CORO7: variants seen among roughly 807,000 people sequenced by gnomAD.
CORO7 encodes the protein coronin 7.
Under a neutral mutation model 126.6 loss-of-function variants are expected in CORO7, and 107 were observed. That is an observed-to-expected ratio of 0.85 (90% confidence interval 0.72 to 0.99). CORO7 has a LOEUF of 0.99. Ranked by LOEUF, CORO7 falls within the 50% of genes least tolerant of loss-of-function variation. The probability of loss-of-function intolerance (pLI) is 0.00; values close to 1 mark genes in which losing one functional copy is unlikely to be tolerated. For synonymous variants in CORO7, 603 were observed against 536.8 expected (o/e 1.12, Z -1.70); for missense variants, 1,314 against 1,255.8 (o/e 1.05, Z -0.70).
rs114279206 is a variant in CORO7, at chr16:4,360,356, G to C, written c.2030C>G (p.Pro677Arg). 3,598 of 1,613,618 alleles carry C rather than the reference G, an allele frequency of 2.2e-3. 32 individuals carry two copies. In the African/African-American group the frequency reaches 0.03, roughly 13 times the overall value. ...AGCTCCGCGTCCTCCCTTGGGCCCT[G>C]GGCCTTCCTGTTGAGATACATCGCG... ...RSGPEPLQEG[P>R]GPKGGRGARI... Residue 677 changes from proline (P) to arginine (R), a missense_variant, in exon 21 of 28, where the codon CCA becomes CGA. Transcript: ENST00000251166.
At chr16:4,365,194 A>G in intron 10 of CORO7, 134 bp from the exon 11 acceptor site, 1 of 1,395,918 alleles carries the variant, frequency 7.2e-7, no homozygotes, top group South Asian at 1.3e-5. Context: ...GGGCTCCCCA[A>G]CATGCTGGGC....
intron 6 of CORO7, among the ~76,000 whole-genome samples, chr16:4,402,251 T>C (rs2055837653): frequency 7.7e-6 from 1 of 130,318 alleles, no homozygotes; most frequent in African/African-American, 3.2e-5. Context: ...TTTGTTGTTG[T>C]TGTTGTTGTT....
At chr16:4,360,418 C>G (rs762759002) in intron 20 of CORO7, 26 bp downstream of exon 20, 2 of 1,613,022 alleles carry the variant, frequency 1.2e-6, no homozygotes, top group South Asian at 2.2e-5. Flanking sequence ...AGGTCTGAGG[C>G]CACTCCCCAG....
At position 4,358,015 on chromosome 16, in the gene CORO7, T is replaced by A; in HGVS notation, c.2546A>T (p.Asn849Ile). 1 of 1,612,926 alleles carries A rather than the reference T, an allele frequency of 6.2e-7. No homozygotes were observed. Among genetic ancestry groups the A allele is most frequent in the Non-Finnish European group, 8.5e-7 (1 of 1,179,364 alleles). The part of the protein sequence containing the change: ...LSAEAWLQGA[N>I]GQPWLLSLQP... ...CAGGCTGAGAAGCCAGGGCTGCCCA[T>A]TAGCGCCTTGCAGCCAGGCCTCGGC... Residue 849 changes from asparagine (N) to isoleucine (I), a missense_variant, in exon 25 of 28, where the codon AAT becomes ATT. Transcript: ENST00000251166.
chr16:4,372,109 G>T (rs966458214), intron 9 of CORO7: 2 of 151,586 alleles, frequency 1.3e-5, no homozygotes, highest in Non-Finnish European at 2.9e-5. Flanking sequence ...GCGGGACCGC[G>T]GCCCCAGCCC....
At chr16:4,398,954 C>T (rs1596327640) in intron 6 of CORO7, among the ~76,000 whole-genome samples, 3 of 144,682 alleles carry the variant, frequency 2.1e-5, no homozygotes, top group Admixed American at 7.1e-5. Flanking sequence ...GGTGACAGTG[C>T]GAGACTCCGT....
intron 9 of CORO7, chr16:4,382,762 G>C: frequency 6.4e-7 from 1 of 1,564,114 alleles, no homozygotes; most frequent in Non-Finnish European, 8.7e-7. Flanking sequence ...GGGAGTGAAG[G>C]TCCCCTTGGA....
At chr16:4,358,826 T>G in intron 23 of CORO7, 1 of 302,322 alleles carries the variant, frequency 3.3e-6, no homozygotes, top group Non-Finnish European at 6.1e-6. Flanking sequence ...GCACAAATAA[T>G]AGTAAAATTG....
chr16:4,408,170 G>C lies in CORO7; in HGVS notation c.303+11C>G, dbSNP rs770218138. The stretch of plus-strand genomic sequence containing the variant: ...GGACATAGAGCAGCTCTTCCAACTG[G>C]CTCCACTCACCGTCCTGTCAGCCGA... On this transcript the variant is annotated intron_variant, in intron 4 of 27. Transcript: ENST00000251166. 8.1e-6 allele frequency: 13 copies of C among 1,613,982 alleles called. No individual in the cohort carries two copies. The highest frequency in any genetic ancestry group is 1.3e-5 in the African/African-American group (1 of 74,926).
chr16:4,398,730 G>T (rs1274795750), intron 6 of CORO7, among the ~76,000 whole-genome samples: 2 of 152,044 alleles, frequency 1.3e-5, no homozygotes, highest in African/African-American at 4.8e-5. Context: ...AGCACTTGGG[G>T]AGGCCAAGGC....
At chr16:4,390,680 C>A (rs1361104846) in intron 7 of CORO7, among the ~76,000 whole-genome samples, 1 of 152,158 alleles carries the variant, frequency 6.6e-6, no homozygotes, top group Non-Finnish European at 1.5e-5. Flanking sequence ...AGGGGTGGGA[C>A]GCCCTTGGCC....
At position 4,357,168 on chromosome 16, in the gene CORO7, C is replaced by A. The variant is rs1311544534; in HGVS notation, c.2685G>T (p.Glu895Asp). The A allele has an allele frequency of 3.1e-6, 5 of 1,613,778 alleles. No homozygotes were observed. The highest frequency in any genetic ancestry group is 3.3e-5 in the Admixed American group (2 of 59,980). Residue 895 changes from glutamate (E) to aspartate (D), a missense_variant and splice_region_variant, in exon 26 of 28, where the codon GAG becomes GAT. Transcript: ENST00000251166. ...CACAGCTGCTCTCTCCCATGCCTAC[C>A]TCCTCCTTCTTTTGCTGGTCAGACT... ...EEKSDQQKKE[E>D]LLNAMVAKLG...
intron 5 of CORO7, among the ~76,000 whole-genome samples, chr16:4,407,017 G>A (rs999261189): frequency 4.1e-5 from 6 of 147,200 alleles, no homozygotes; most frequent in African/African-American, 1.0e-4. Flanking sequence ...GTGCAATCTC[G>A]GCTCACTGCA....
At position 4,362,245 on chromosome 16, in the gene CORO7, C is replaced by G. The variant is rs1488885138; in HGVS notation, c.1403-85G>C. 6.7e-7 allele frequency: 1 copy of G among 1,502,722 alleles called. No homozygotes were observed. Among genetic ancestry groups the G allele is most frequent in the South Asian group, 1.3e-5 (1 of 76,508 alleles). 93.1% of individuals were successfully genotyped at this position (1,502,722 alleles called of 1,614,324 possible). On this transcript the variant is annotated intron_variant, in intron 15 of 27. Transcript: ENST00000251166. The surrounding 1 kb of genome is among the most constrained non-coding windows in gnomAD (Gnocchi z 5.3). ...CTCTTTGAGTCCCGGCTGCCCACTC[C>G]CCTCACCCCAGGTGGATGTACAGCA...
At chr16:4,376,584 T>C (rs2054739913) in intron 9 of CORO7, among the ~76,000 whole-genome samples, 1 of 152,134 alleles carries the variant, frequency 6.6e-6, no homozygotes, top group Admixed American at 6.5e-5. Flanking sequence ...GCTGATGTGG[T>C]CACCAGATGC....
Position 4,391,521 on chromosome 16 carries a change from G to A in CORO7, c.616-2890C>T, listed in dbSNP as rs561525562. Among the ~76,000 whole-genome samples the A allele has an allele frequency of 4.9e-4, 74 of 152,208 alleles. 1 individual carries two copies. The highest frequency in any genetic ancestry group is 6.8e-3 in the Middle Eastern group (2 of 294). ...CAGTGAGCCGAGACTGTGCCCCTGT[G>A]CTCCAGCCTGGGTGACAGAGCAAGA... On this transcript the variant is annotated intron_variant, in intron 7 of 27. Transcript: ENST00000251166.
chr16:4,410,529 C>T (rs766923708), intron 3 of CORO7, among the ~76,000 whole-genome samples: 8 of 152,182 alleles, frequency 5.3e-5, no homozygotes, highest in Admixed American at 2.0e-4. Flanking sequence ...TCTCAGTTTT[C>T]ATAGCTATAA....
At chr16:4,364,554 G>C (rs545689430) in intron 13 of CORO7, 43 bp downstream of exon 13, 4 of 1,534,428 alleles carry the variant, frequency 2.6e-6, no homozygotes, top group Non-Finnish European at 3.5e-6. Flanking sequence ...GGGCTACCAG[G>C]GACTCGGGGA....
At chr16:4,407,277 G>GAA (rs77001478) in intron 5 of CORO7, among the ~76,000 whole-genome samples, 3 of 131,690 alleles carry the variant, frequency 2.3e-5, no homozygotes, top group African/African-American at 5.4e-5. Flanking sequence ...AAAAACAACA[G>GAA]AAAAAAAAAA....
Sources: gnomAD v4.1 joint callset for allele counts (sites outside exome capture counted in the v4.1 genomes callset) on GRCh38, gnomAD v4.1.1 for gene constraint, Gnocchi (gnomAD v3.1) non-coding constraint, MANE v1.5 for transcripts, NCBI Gene and HGNC (gene_info 2026-07-23, HGNC 2026-07-21) for gene names.